Variants in DMD observed in about 807,000 individuals in gnomAD.
DMD encodes mutant dystrophin.
In DMD, 63 loss-of-function variants were observed where a neutral mutation model predicts 330.1. The ratio of observed to expected loss-of-function variants is 0.19; its 90% confidence interval spans 0.16 to 0.24. DMD has a LOEUF of 0.24. Among genes scored for constraint, DMD ranks in the 10% least tolerant of loss-of-function variants. The pLI is 1.00. For missense variants in DMD, 3,344 were observed against 2,684.1 expected, an observed-to-expected ratio of 1.25 and a Z score of -5.43; for synonymous variants, 1,223 against 959.8, an observed-to-expected ratio of 1.27 and a Z score of -5.07.
chrX:31,682,645 G>A (rs1399133961), intron 52 of DMD, among the ~76,000 whole-genome samples: 3 of 111,895 alleles, frequency 2.7e-5, no homozygotes, highest in Non-Finnish European at 3.8e-5. Flanking sequence ...CTACTGTTAT[G>A]TACCATGTGT....
In DMD at chrX:32,389,562, G is replaced by T. The variant is rs1222163883; in HGVS notation, c.4457C>A (p.Pro1486His). The stretch of plus-strand genomic sequence containing the variant: ...TTCCACACTCTTTGTTTCCAATGCA[G>T]GCAAGTGCATCTTCACTTCATCTAA... ...MILDEVKMHL[P>H]ALETKSVEQE... The change falls in exon 32 of 79, where the codon CCT becomes CAT. Residue 1486 changes from proline to histidine, a missense_variant. By Grantham distance (77) the Pro-to-His change is moderately conservative (BLOSUM62 -2). Transcript: ENST00000357033. 1.7e-6 allele frequency: 2 copies of T among 1,208,782 alleles called. No individual in the cohort carries two copies. The highest frequency in any genetic ancestry group is 3.5e-5 in the African/African-American group (2 of 57,128).
intron 29 of DMD, among the ~76,000 whole-genome samples, chrX:32,413,611 T>A (rs1234131829): frequency 1.4e-4 from 16 of 110,872 alleles, no homozygotes; most frequent in Non-Finnish European, 7.6e-5. Flanking sequence ...ACATCCCACC[T>A]GTAAAGCAGC....
chrX:32,873,558 A>C (rs1421881845), intron 2 of DMD, among the ~76,000 whole-genome samples: 1 of 111,694 alleles, frequency 9.0e-6, no homozygotes, highest in Non-Finnish European at 1.9e-5. Flanking sequence ...CACATTTCTG[A>C]GCATTCATTT....
At chrX:31,395,178 C>G (rs1210710286) in intron 60 of DMD, among the ~76,000 whole-genome samples, 3 of 111,630 alleles carry the variant, frequency 2.7e-5, no homozygotes, top group Admixed American at 1.9e-4. Flanking sequence ...TCAGACTCTG[C>G]CACTCAGGAA....
intron 44 of DMD, among the ~76,000 whole-genome samples, chrX:32,087,879 C>A (rs767942862): frequency 8.9e-6 from 1 of 112,447 alleles, no homozygotes; most frequent in African/African-American, 3.2e-5. Context: ...TACATCTAGA[C>A]AATGACTCAG....
At chrX:32,535,020 G>T (rs2047825803) in intron 17 of DMD, among the ~76,000 whole-genome samples, 1 of 111,398 alleles carries the variant, frequency 9.0e-6, no homozygotes, top group Admixed American at 9.5e-5. Context: ...TACCATCCCT[G>T]AATTAATAAT....
Position 32,779,059 on chromosome X carries a change from T to C in DMD, c.649+30434A>G, listed in dbSNP as rs187052777. 5.4e-5 allele frequency among the ~76,000 whole-genome samples: 6 copies of C among 111,819 alleles called. No individual in the cohort carries two copies. In the East Asian group the frequency reaches 1.7e-3, roughly 31 times the overall value. On this transcript the variant is annotated intron_variant, in intron 7 of 78. Coordinates refer to ENST00000357033, the MANE Select transcript of DMD (RefSeq NM_004006.3). ...CTGGTATTCCCAAGTATTAAATATC[T>C]TGGGCACCAATTATTTTTGTAAACT...
At chrX:31,819,103 C>T (rs1207864255) in intron 50 of DMD, among the ~76,000 whole-genome samples, 1 of 111,304 alleles carries the variant, frequency 9.0e-6, no homozygotes, top group Non-Finnish European at 1.9e-5. Flanking sequence ...TGGAATGGTA[C>T]AGCAAAGAAG....
At chrX:31,801,300 T>G (rs1404733247) in intron 50 of DMD, among the ~76,000 whole-genome samples, 2 of 110,872 alleles carry the variant, frequency 1.8e-5, no homozygotes, top group African/African-American at 6.6e-5. Context: ...TCAGATCTCA[T>G]GAGAACTCAT....
chrX:32,981,114 C>A (rs2092697418), intron 2 of DMD, among the ~76,000 whole-genome samples: 1 of 111,719 alleles, frequency 9.0e-6, no homozygotes, highest in South Asian at 3.8e-4. Flanking sequence ...TAGCGTAGTT[C>A]TCTCCACAAT....
At chrX:31,271,733 G>T (rs1459386727) in intron 62 of DMD, among the ~76,000 whole-genome samples, 1 of 111,691 alleles carries the variant, frequency 9.0e-6, no homozygotes, top group Non-Finnish European at 1.9e-5. Flanking sequence ...CAGCATTTGG[G>T]TATACAATAA....
In DMD at chrX:32,647,105, C is replaced by T. The variant is rs1045735873; in HGVS notation, c.961-1953G>A. ...TGGAACCAGCTTCACGTTTGTGCAA[C>T]CTGAGCAGTTGCACAGGGCCCTGAG... On this transcript the variant is annotated intron_variant, in intron 9 of 78. Transcript: ENST00000357033. 2.7e-5 allele frequency among the ~76,000 whole-genome samples: 3 copies of T among 111,442 alleles called. No individual in the cohort carries two copies. The South Asian group carries it at 1.1e-3, about 42-fold the overall frequency.
intron 48 of DMD, among the ~76,000 whole-genome samples, chrX:31,864,904 G>T (rs2093772832): frequency 8.9e-6 from 1 of 111,851 alleles, no homozygotes; most frequent in Admixed American, 9.5e-5. Context: ...TCTTAGTTTT[G>T]CCTTATCTAA....
intron 1 of DMD, among the ~76,000 whole-genome samples, chrX:33,269,734 T>C (rs1425000577): frequency 9.0e-6 from 1 of 110,835 alleles, no homozygotes; most frequent in Non-Finnish European, 1.9e-5. Context: ...GATTTTATTT[T>C]AATAGTGTTA....
intron 11 of DMD, among the ~76,000 whole-genome samples, chrX:32,620,508 G>C (rs779401064): frequency 6.2e-5 from 7 of 112,347 alleles, no homozygotes; most frequent in African/African-American, 2.3e-4. Context: ...ATTGCAATCA[G>C]AAGTTATGAG....
rs576615198 is a variant in DMD at position 31,721,351 on chromosome X, T to C, written c.7660+8280A>G. ...TGATTAACATTTCAATCAGCAGACT[T>C]TGAGTAAAGCAGATTACCCTCCACA... On this transcript the variant is annotated intron_variant, in intron 52 of 78. Transcript: ENST00000357033. Among the ~76,000 whole-genome samples, 4 of 107,959 alleles carry C rather than the reference T, an allele frequency of 3.7e-5. No homozygotes were observed. The South Asian group carries it at 1.6e-3, about 42-fold the overall frequency. The allele number at this position is 107,959 out of a possible 115,157, so 93.7% of individuals were successfully genotyped here. A position where few individuals can be genotyped will look rare whatever the true frequency, so the allele number is the denominator to read the frequency against.
chrX:33,191,331 T>C (rs2050631693), intron 1 of DMD, among the ~76,000 whole-genome samples: 1 of 109,167 alleles, frequency 9.2e-6, no homozygotes. Context: ...ATCTAACAAA[T>C]AGATCTGAAC....
chrX:31,809,263 T>G (rs2092390872), intron 50 of DMD, among the ~76,000 whole-genome samples: 1 of 106,986 alleles, frequency 9.3e-6, no homozygotes, highest in African/African-American at 3.3e-5. Flanking sequence ...TCTGTATATA[T>G]AACCATATAT....
At chrX:32,425,597 T>C (rs16990368) in intron 29 of DMD, among the ~76,000 whole-genome samples, 2,966 of 111,552 alleles carry the variant, frequency 0.027, 99 homozygotes, top group African/African-American at 0.09. Flanking sequence ...ATTGTCTCTA[T>C]TTGCCCTGCT....
Sources: allele counts gnomAD v4.1 joint callset (sites outside exome capture counted in the v4.1 genomes callset), GRCh38; gene constraint gnomAD v4.1.1; transcripts MANE v1.5; gene names NCBI Gene and HGNC (gene_info 2026-07-23, HGNC 2026-07-21).